The following GOLGA1 variants were observed in gnomAD, a reference collection of about 807,000 sequenced individuals.
The protein encoded by GOLGA1 is golgin A1.
In GOLGA1, 63 loss-of-function variants were observed where a neutral mutation model predicts 119.7. The ratio of observed to expected loss-of-function variants is 0.53; its 90% confidence interval spans 0.43 to 0.65. The LOEUF is 0.65. Among genes scored for constraint, GOLGA1 ranks in the 30% least tolerant of loss-of-function variants. The pLI, the probability that GOLGA1 is intolerant of heterozygous loss-of-function variation, is 0.00. For synonymous variants in GOLGA1, 318 were observed against 333.4 expected (o/e 0.95, Z 0.50); for missense variants, 798 against 912.8 (o/e 0.87, Z 1.62).
chr9:124,899,928 G>A (rs75281655), intron 13 of GOLGA1, among the ~76,000 whole-genome samples: 6 of 152,344 alleles, frequency 3.9e-5, no homozygotes, highest in African/African-American at 7.2e-5. Flanking sequence ...AGCTTGCCTC[G>A]TCTACAGGAT....
intron 12 of GOLGA1, among the ~76,000 whole-genome samples, chr9:124,906,116 A>AAAAAAAATAAAT (rs1830225184): frequency 6.9e-6 from 1 of 145,038 alleles, no homozygotes; most frequent in African/African-American, 2.6e-5. Flanking sequence ...GTGTCTCCAA[A>AAAAAAAATAAAT]AAATAAATAA....
intron 15 of GOLGA1, among the ~76,000 whole-genome samples, chr9:124,891,765 C>A (rs556008552): frequency 2.0e-5 from 3 of 151,904 alleles, no homozygotes; most frequent in South Asian, 2.1e-4. Flanking sequence ...CTGCCTCCCC[C>A]TCCCGAGTAG....
In GOLGA1 at chr9:124,881,228, C is replaced by T. The variant is rs376278432; in HGVS notation, c.2166G>A (p.Val722=). Residue 722 remains valine (V), a synonymous_variant, in exon 22 of 23, where the codon GTG becomes GTA. Coordinates refer to ENST00000373555, the MANE Select transcript of GOLGA1 (RefSeq NM_002077.4). This position sits in a 1 kb window ranked among gnomAD's most constrained non-coding sequence, Gnocchi z 4.9. ...EAFHLIKAVS[V]LLNFSQEEEN... ...CCTCCTCTTGGGAAAAGTTCAGCAA[C>T]ACTGACACAGCTTTTATAAGATGAA... 5.0e-6 allele frequency: 8 copies of T among 1,605,030 alleles called. No individual in the cohort carries two copies. In the African/African-American group the frequency reaches 6.7e-5, roughly 13 times the overall value.
intron 11 of GOLGA1, among the ~76,000 whole-genome samples, chr9:124,909,525 T>G (rs995758813): frequency 6.7e-6 from 1 of 150,100 alleles, no homozygotes; most frequent in African/African-American, 2.5e-5. Context: ...GGAAAATCAC[T>G]TGAACCCCGG....
At chr9:124,911,825 A>G (rs1564335251) in intron 11 of GOLGA1, 76 bp downstream of exon 11, 10 of 1,324,066 alleles carry the variant, frequency 7.6e-6, no homozygotes, top group East Asian at 2.4e-5. Flanking sequence ...CAGCTCTGAA[A>G]CTCTAGGAAT....
At chr9:124,916,790 C>T (rs1206670445) in intron 10 of GOLGA1, among the ~76,000 whole-genome samples, 1 of 144,000 alleles carries the variant, frequency 6.9e-6, no homozygotes, top group Non-Finnish European at 1.5e-5. Context: ...GTAGGAGGAT[C>T]ACTTACACCC....
chr9:124,945,213 G>C (rs1831127202), upstream of GOLGA1: 1 of 152,052 alleles, frequency 6.6e-6, no homozygotes, highest in South Asian at 2.1e-4. Context: ...TATTGTCCAA[G>C]TATGTTTAAA....
rs143730374 is a variant in GOLGA1, at chr9:124,921,325, C to A, written c.732-85G>T. On this transcript the variant is annotated intron_variant, in intron 9 of 22. Transcript: ENST00000373555. ...TCTGCAGGAAAAATACAAATGGTTT[C>A]TTCTGTGTCAGGGCTACAAGCATCA... 7.2e-6 allele frequency: 6 copies of A among 832,240 alleles called. No individual in the cohort carries two copies. The African/African-American group carries it at 8.4e-5, about 12-fold the overall frequency. 51.6% of individuals were successfully genotyped at this position (832,240 alleles called of 1,614,324 possible).
chr9:124,921,287 T>C (rs1203603634), intron 9 of GOLGA1, 47 bp from the exon 10 acceptor site: 1 of 1,033,976 alleles, frequency 9.7e-7, no homozygotes, highest in Non-Finnish European at 1.5e-6. Context: ...ATATCTCATC[T>C]AATATACAGT....
rs113594549 is a variant in GOLGA1 at position 124,920,286 on chromosome 9, A to ATTT, written c.843+840_843+842dup. 2.9e-5 allele frequency among the ~76,000 whole-genome samples: 4 copies of ATTT among 139,374 alleles called. No homozygotes were observed. The East Asian group carries it at 8.3e-4, about 29-fold the overall frequency. 91.4% of individuals were successfully genotyped at this position (139,374 alleles called of 152,430 possible). ...AGGTGCACACCACCACAACTGGCTA[A>ATTT]TTTTTTTTTTTTTTTTTGGTAGAGA... is the stretch of plus-strand genomic sequence containing the variant. On this transcript the variant is annotated intron_variant, in intron 10 of 22. Coordinates refer to ENST00000373555, the MANE Select transcript of GOLGA1 (RefSeq NM_002077.4).
intron 12 of GOLGA1, among the ~76,000 whole-genome samples, chr9:124,902,540 G>A (rs1352833408): frequency 2.0e-5 from 3 of 151,762 alleles, no homozygotes; most frequent in Non-Finnish European, 4.4e-5. Flanking sequence ...AGGCTTGAGT[G>A]CAGTGGCGCG....
Position 124,939,538 on chromosome 9 carries a change from TTTTC to T in GOLGA1, c.-156+564_-156+567del, listed in dbSNP as rs1236751794. On this transcript the variant is annotated intron_variant, in intron 2 of 22. Coordinates refer to ENST00000373555, the MANE Select transcript of GOLGA1 (RefSeq NM_002077.4). ...GATAAAATTACCTCCAATGAGTTTA[TTTTC>T]TTTCTTTCTTTTTTTTTTTTTTTTT... Among the ~76,000 whole-genome samples, 783 of 86,714 alleles carry T rather than the reference TTTTC, an allele frequency of 9.0e-3. 21 individuals are homozygous for T. Among genetic ancestry groups the T allele is most frequent in the African/African-American group, 0.043 (689 of 16,092 alleles). 56.9% of individuals were successfully genotyped at this position (86,714 alleles called of 152,430 possible).
chr9:124,935,691 G>A (rs1465653463), intron 3 of GOLGA1, among the ~76,000 whole-genome samples: 3 of 151,572 alleles, frequency 2.0e-5, no homozygotes, highest in Non-Finnish European at 2.9e-5. Flanking sequence ...CAGCTACTTG[G>A]GAGGCTGAGT....
chr9:124,896,869 C>T (rs1235277956), intron 15 of GOLGA1, among the ~76,000 whole-genome samples: 2 of 152,000 alleles, frequency 1.3e-5, no homozygotes, highest in African/African-American at 2.4e-5. Flanking sequence ...GAAGTTGAGG[C>T]TGCAGTGAGC....
In GOLGA1 at chr9:124,923,236, A is replaced by G. The variant is rs1440252806; in HGVS notation, c.433-13T>C. On this transcript the variant is annotated splice_polypyrimidine_tract_variant and intron_variant, in intron 7 of 22. Coordinates refer to ENST00000373555, the MANE Select transcript of GOLGA1 (RefSeq NM_002077.4). The stretch of plus-strand genomic sequence containing the variant: ...GAATATTTTTCTCCTATTTGAAAGA[A>G]GAAGACATCAACTCAGGCAACGAAA... The G allele has an allele frequency of 6.4e-7, 1 of 1,574,158 alleles. No homozygotes were observed. Among genetic ancestry groups the G allele is most frequent in the Admixed American group, 1.8e-5 (1 of 56,032 alleles).
At chr9:124,910,368 A>G (rs1830317338) in intron 11 of GOLGA1, among the ~76,000 whole-genome samples, 1 of 152,180 alleles carries the variant, frequency 6.6e-6, no homozygotes, top group South Asian at 2.1e-4. Flanking sequence ...CCTGGCCTAG[A>G]GATATATACT....
At chr9:124,883,599 C>T (rs1163006655) in intron 19 of GOLGA1, among the ~76,000 whole-genome samples, 2 of 152,206 alleles carry the variant, frequency 1.3e-5, no homozygotes, top group Non-Finnish European at 2.9e-5. Context: ...TGGTTCCCAC[C>T]ACCACGCCCG....
intron 15 of GOLGA1, among the ~76,000 whole-genome samples, chr9:124,893,720 T>C (rs1048313938): frequency 6.6e-6 from 1 of 152,162 alleles, no homozygotes; most frequent in Non-Finnish European, 1.5e-5. Flanking sequence ...AAACTCCAAA[T>C]TTTATTCCCC....
chr9:124,932,472 G>A (rs1335377777), intron 3 of GOLGA1, among the ~76,000 whole-genome samples: 1 of 152,140 alleles, frequency 6.6e-6, no homozygotes, highest in Non-Finnish European at 1.5e-5. Context: ...TACCACTTAC[G>A]AGCTGTAAGA....
Sources: gnomAD v4.1 joint callset for allele counts (sites outside exome capture counted in the v4.1 genomes callset) on GRCh38, gnomAD v4.1.1 for gene constraint, Gnocchi (gnomAD v3.1) non-coding constraint, MANE v1.5 for transcripts, NCBI Gene and HGNC (gene_info 2026-07-23, HGNC 2026-07-21) for gene names.